Variants in EFNA5 observed in about 807,000 individuals in gnomAD.
The protein encoded by EFNA5 is ephrin-A5.
EFNA5 carries 5 observed loss-of-function variants against 22.9 expected under a neutral mutation model. The observed-to-expected ratio is 0.22, with a 90% CI of 0.11 to 0.46. The LOEUF (loss-of-function observed/expected upper bound fraction) is 0.46, where lower values mean the gene tolerates loss of function less well. Ranked by LOEUF, EFNA5 falls within the 20% of genes least tolerant of loss-of-function variation. The pLI is 0.99. For missense variants in EFNA5, 237 were observed against 293.3 expected (o/e 0.81, Z 1.40); for synonymous variants, 113 against 112.2 (o/e 1.01, Z -0.04).
At chr5:107,527,623 G>T (rs1231201539) in intron 1 of EFNA5, among the ~76,000 whole-genome samples, 4 of 152,238 alleles carry the variant, frequency 2.6e-5, no homozygotes, top group African/African-American at 9.6e-5. Context: ...TGGGGTGTGT[G>T]TTAGGGGAAT....
chr5:107,522,252 A>G (rs1320663019), intron 1 of EFNA5, among the ~76,000 whole-genome samples: 3 of 152,208 alleles, frequency 2.0e-5, no homozygotes, highest in African/African-American at 7.2e-5. Flanking sequence ...ACATCTGTAC[A>G]TGTTTTATTA....
At chr5:107,533,438 G>T (rs1450952144) in intron 1 of EFNA5, among the ~76,000 whole-genome samples, 1 of 152,132 alleles carries the variant, frequency 6.6e-6, no homozygotes, top group African/African-American at 2.4e-5. Context: ...TCCTGAAAAA[G>T]CCCAGAAGAA....
chr5:107,553,667 T>C (rs1040365272), intron 1 of EFNA5, among the ~76,000 whole-genome samples: 1 of 152,248 alleles, frequency 6.6e-6, no homozygotes, highest in African/African-American at 2.4e-5. Context: ...GCCATTGCTA[T>C]TGACATTAGT....
chr5:107,503,647 G>A (rs1372420917), intron 1 of EFNA5, among the ~76,000 whole-genome samples: 1 of 152,158 alleles, frequency 6.6e-6, no homozygotes, highest in Admixed American at 6.5e-5. Flanking sequence ...AGCTTTAAAA[G>A]TAAATGAGGC....
chr5:107,654,566 C>T (rs1345095721), intron 1 of EFNA5, among the ~76,000 whole-genome samples: 1 of 152,102 alleles, frequency 6.6e-6, no homozygotes, highest in Non-Finnish European at 1.5e-5. Context: ...CTGTATATTC[C>T]ATTCACATTT....
chr5:107,569,574 TATATATATA>T (rs779838493), intron 1 of EFNA5, among the ~76,000 whole-genome samples: 4,464 of 127,046 alleles, frequency 0.035, 184 homozygotes, highest in Middle Eastern at 0.082. Flanking sequence ...TATATATATA[TATATATATA>T]TATATATATA....
chr5:107,496,956 A>G (rs1747003674), intron 1 of EFNA5, among the ~76,000 whole-genome samples: 1 of 152,218 alleles, frequency 6.6e-6, no homozygotes, highest in African/African-American at 2.4e-5. Flanking sequence ...GCTAATGGGG[A>G]CAATGTCCCC....
At chr5:107,457,228 G>A (rs934460766) in intron 1 of EFNA5, among the ~76,000 whole-genome samples, 4 of 152,012 alleles carry the variant, frequency 2.6e-5, no homozygotes, top group African/African-American at 9.7e-5. Context: ...AACATTCATT[G>A]CTGACCTGTT....
rs1288656614 is a variant in EFNA5, at chr5:107,378,657, A to G, written c.*2598T>C. 1 of 152,100 alleles carries G rather than the reference A, an allele frequency of 6.6e-6. No individual in the cohort carries two copies. The highest frequency in any genetic ancestry group is 2.4e-5 in the African/African-American group (1 of 41,402). The allele number at this position is 152,100 out of a possible 1,614,324, so 9.4% of individuals were successfully genotyped here. ...GTCTACTGGTGTGGACACTCTTGCT[A>G]TTTTCTTTATACTTAATTTGCAGTG... On this transcript the variant is annotated 3_prime_UTR_variant, in exon 5 of 5. Transcript: ENST00000333274.
At chr5:107,557,237 G>A (rs147507196) in intron 1 of EFNA5, among the ~76,000 whole-genome samples, 29 of 152,112 alleles carry the variant, frequency 1.9e-4, no homozygotes, top group Middle Eastern at 3.4e-3. Context: ...CGTGGGAGGT[G>A]CTTAGCAAAC....
intron 2 of EFNA5, among the ~76,000 whole-genome samples, chr5:107,388,710 G>A (rs252816): frequency 0.52 from 79,048 of 151,936 alleles, 21,921 homozygotes; most frequent in Non-Finnish European, 0.63. Flanking sequence ...AGAAACGAGC[G>A]TCGCATACTT....
intron 2 of EFNA5, among the ~76,000 whole-genome samples, chr5:107,419,023 C>T (rs1748583705): frequency 6.6e-6 from 1 of 152,190 alleles, no homozygotes; most frequent in Admixed American, 6.5e-5. Context: ...ATTGCCTCCT[C>T]CACCTTTGAT....
At chr5:107,516,846 T>C (rs958123796) in intron 1 of EFNA5, among the ~76,000 whole-genome samples, 4 of 152,280 alleles carry the variant, frequency 2.6e-5, no homozygotes, top group African/African-American at 4.8e-5. Flanking sequence ...GTCCAATATC[T>C]AGAACCTCAA....
intron 1 of EFNA5, among the ~76,000 whole-genome samples, chr5:107,606,264 T>C (rs1478142435): frequency 6.6e-6 from 1 of 152,146 alleles, no homozygotes; most frequent in Non-Finnish European, 1.5e-5. Flanking sequence ...AACATTAAAA[T>C]TGATTTTCAC....
chr5:107,667,261 T>A (rs1467431733), intron 1 of EFNA5, among the ~76,000 whole-genome samples: 1 of 152,124 alleles, frequency 6.6e-6, no homozygotes, highest in Non-Finnish European at 1.5e-5. Context: ...ATCAGTTTGG[T>A]CCCCTATCCA....
chr5:107,542,603 C>G lies in EFNA5; in HGVS notation c.126-115094G>C, dbSNP rs372773088. Among the ~76,000 whole-genome samples, 14 of 152,098 alleles carry G rather than the reference C, an allele frequency of 9.2e-5. No homozygotes were observed. The East Asian group carries it at 9.7e-4, about 10-fold the overall frequency. ...GGTGCTGGAGGTACAGAAGGTCATG[C>G]CTTCTCTGCCGGCAAATATGATTAA... On this transcript the variant is annotated intron_variant, in intron 1 of 4. Transcript: ENST00000333274.
chr5:107,596,012 T>C (rs1749466439), intron 1 of EFNA5, among the ~76,000 whole-genome samples: 1 of 152,140 alleles, frequency 6.6e-6, no homozygotes, highest in Non-Finnish European at 1.5e-5. Context: ...AAAAAAATAT[T>C]CCCTTCCTCC....
At chr5:107,443,576 C>T (rs546261830) in intron 1 of EFNA5, among the ~76,000 whole-genome samples, 1 of 152,128 alleles carries the variant, frequency 6.6e-6, no homozygotes, top group South Asian at 2.1e-4. Flanking sequence ...AAACTTTCAA[C>T]ATCTGAAAAA....
intron 1 of EFNA5, among the ~76,000 whole-genome samples, chr5:107,632,590 T>C (rs1750279099): frequency 6.6e-6 from 1 of 152,166 alleles, no homozygotes; most frequent in Non-Finnish European, 1.5e-5. Flanking sequence ...TCATCTTTAT[T>C]ATTCTAGTTC....
Sources: gnomAD v4.1 joint callset for allele counts (sites outside exome capture counted in the v4.1 genomes callset) on GRCh38, gnomAD v4.1.1 for gene constraint, MANE v1.5 for transcripts, NCBI Gene and HGNC (gene_info 2026-07-23, HGNC 2026-07-21) for gene names.